The following SCFD2 variants were observed in gnomAD, a reference collection of about 807,000 sequenced individuals.
SCFD2 encodes sec1 family domain-containing protein 2.
In SCFD2, 54 loss-of-function variants were observed where a neutral mutation model predicts 58.9. The observed-to-expected ratio is 0.92, with a 90% CI of 0.74 to 1.15. The LOEUF is 1.15. SCFD2 is among the 50% of genes most tolerant of loss of function. The pLI is 0.00. For missense variants in SCFD2, 805 were observed against 836.6 expected, an observed-to-expected ratio of 0.96 and a Z score of 0.47; for synonymous variants, 321 against 335.9, an observed-to-expected ratio of 0.96 and a Z score of 0.49.
intron 4 of SCFD2, among the ~76,000 whole-genome samples, chr4:53,183,257 G>A (rs1339558469): frequency 6.6e-6 from 1 of 152,130 alleles, no homozygotes; most frequent in Non-Finnish European, 1.5e-5. Context: ...CAACCTAAAT[G>A]TCCAACAACA....
chr4:53,093,675 A>G (rs368753102), intron 5 of SCFD2, among the ~76,000 whole-genome samples: 2 of 152,200 alleles, frequency 1.3e-5, no homozygotes, highest in African/African-American at 4.8e-5. Flanking sequence ...ATGCTGATAT[A>G]AAACAGTCTC....
intron 3 of SCFD2, among the ~76,000 whole-genome samples, chr4:53,289,061 A>C (rs1731757384): frequency 1.3e-5 from 2 of 152,214 alleles, no homozygotes; most frequent in African/African-American, 4.8e-5. Context: ...TTAAACCATT[A>C]TCAAGTTAAA....
chr4:53,011,654 T>A (rs1577658211), intron 5 of SCFD2, among the ~76,000 whole-genome samples: 1 of 152,188 alleles, frequency 6.6e-6, no homozygotes, highest in African/African-American at 2.4e-5. Context: ...TCCATTCTTC[T>A]CATTTCAAAT....
chr4:53,184,369 T>G (rs115069676), intron 4 of SCFD2, among the ~76,000 whole-genome samples: 2,797 of 152,152 alleles, frequency 0.018, 90 homozygotes, highest in African/African-American at 0.064. Flanking sequence ...TCTGTTCCTT[T>G]CTGTTTCTAT....
chr4:53,331,449 A>G (rs1045046379), intron 2 of SCFD2, among the ~76,000 whole-genome samples: 2 of 152,226 alleles, frequency 1.3e-5, no homozygotes, highest in African/African-American at 2.4e-5. Context: ...ATTTCACTCA[A>G]AACCGCTCAA....
intron 4 of SCFD2, among the ~76,000 whole-genome samples, chr4:53,199,504 C>G (rs995448989): frequency 1.3e-5 from 2 of 152,096 alleles, no homozygotes; most frequent in African/African-American, 2.4e-5. Context: ...TCATAACTAG[C>G]TCTTTTTGAT....
rs544955457 is a variant in SCFD2 at position 53,334,517 on chromosome 4, C to T, written c.1007+18081G>A. The stretch of plus-strand genomic sequence containing the variant: ...ATCGCAAGAACAAAAAACCAAACAC[C>T]GCATATTCTCACTCATAGGTGGGAA... On this transcript the variant is annotated intron_variant, in intron 2 of 8. Coordinates refer to ENST00000401642, the MANE Select transcript of SCFD2 (RefSeq NM_152540.4). Among the ~76,000 whole-genome samples the T allele has an allele frequency of 2.5e-3, 376 of 149,304 alleles. 1 individual carries two copies. The highest frequency in any genetic ancestry group is 8.6e-3 in the African/African-American group (348 of 40,258).
intron 5 of SCFD2, among the ~76,000 whole-genome samples, chr4:53,140,243 G>C (rs997140307): frequency 6.6e-6 from 1 of 150,552 alleles, no homozygotes; most frequent in Non-Finnish European, 1.5e-5. Flanking sequence ...AAAGAAAAAG[G>C]GATATCATTT....
At position 52,986,592 on chromosome 4, in the gene SCFD2, G is replaced by A. The variant is rs528870993; in HGVS notation, c.1562-65722C>T. 4.5e-3 allele frequency among the ~76,000 whole-genome samples: 632 copies of A among 139,248 alleles called. 3 individuals are homozygous for A. Among genetic ancestry groups the A allele is most frequent in the African/African-American group, 0.016 (602 of 37,028 alleles). The allele number at this position is 139,248 out of a possible 152,430, so 91.4% of individuals were successfully genotyped here. On this transcript the variant is annotated intron_variant, in intron 5 of 8. Transcript: ENST00000401642. Reference sequence around the variant, plus strand: ...TGGCTCACTGCAAGCTCCGCCTCCCGGGTTCACGCCATTCTCCTGCCTCAG... The same window carrying A: ...TGGCTCACTGCAAGCTCCGCCTCCCAGGTTCACGCCATTCTCCTGCCTCAG...
intron 5 of SCFD2, among the ~76,000 whole-genome samples, chr4:52,976,125 T>C (rs1193233648): frequency 1.3e-5 from 2 of 152,118 alleles, no homozygotes; most frequent in African/African-American, 4.8e-5. Context: ...TATGCATATG[T>C]AACTAACCTG....
chr4:52,993,466 T>G (rs1329839822), intron 5 of SCFD2, among the ~76,000 whole-genome samples: 2 of 152,256 alleles, frequency 1.3e-5, no homozygotes, highest in Non-Finnish European at 2.9e-5. Context: ...GTGCGGCAAC[T>G]AAATCATCAA....
intron 4 of SCFD2, among the ~76,000 whole-genome samples, chr4:53,159,948 T>C (rs1726805118): frequency 6.6e-6 from 1 of 152,098 alleles, no homozygotes; most frequent in African/African-American, 2.4e-5. Context: ...CACAAAAAAA[T>C]GCACGAAAAA....
intron 4 of SCFD2, among the ~76,000 whole-genome samples, chr4:53,261,817 A>G (rs1312080793): frequency 1.3e-5 from 2 of 152,090 alleles, no homozygotes; most frequent in Non-Finnish European, 2.9e-5. Context: ...CTGTCAGTGG[A>G]GTATTAAAGT....
intron 4 of SCFD2, among the ~76,000 whole-genome samples, chr4:53,247,362 C>T (rs140571858): frequency 4.3e-4 from 66 of 152,240 alleles, no homozygotes; most frequent in African/African-American, 1.2e-3. Flanking sequence ...ACTGAACTAC[C>T]ATTCGACCTA....
intron 4 of SCFD2, among the ~76,000 whole-genome samples, chr4:53,156,102 G>A (rs1195015980): frequency 6.6e-6 from 1 of 152,174 alleles, no homozygotes; most frequent in Non-Finnish European, 1.5e-5. Context: ...CTCTTGATAT[G>A]GCCAGATACA....
intron 5 of SCFD2, among the ~76,000 whole-genome samples, chr4:53,031,354 T>C (rs1722611214): frequency 6.6e-6 from 1 of 152,148 alleles, no homozygotes; most frequent in Admixed American, 6.5e-5. Flanking sequence ...CCTCTTCTCC[T>C]CTAAAAGGCC....
chr4:53,332,410 G>GAT (rs1733510862), intron 2 of SCFD2, among the ~76,000 whole-genome samples: 1 of 151,318 alleles, frequency 6.6e-6, no homozygotes, highest in Non-Finnish European at 1.5e-5. Flanking sequence ...TGATCAAGTG[G>GAT]GCTTCATCCC....
chr4:53,196,618 G>T (rs1413294758), intron 4 of SCFD2, among the ~76,000 whole-genome samples: 5 of 152,058 alleles, frequency 3.3e-5, no homozygotes, highest in Non-Finnish European at 7.4e-5. Flanking sequence ...TTACACAGTG[G>T]ATTACTGCTG....
At chr4:53,074,765 A>G (rs1439384800) in intron 5 of SCFD2, among the ~76,000 whole-genome samples, 2 of 152,188 alleles carry the variant, frequency 1.3e-5, no homozygotes, top group Non-Finnish European at 2.9e-5. Context: ...GGCTTAAAAT[A>G]TTCAGTAAGC....
Sources: allele counts gnomAD v4.1 joint callset (sites outside exome capture counted in the v4.1 genomes callset), GRCh38; gene constraint gnomAD v4.1.1; transcripts MANE v1.5; gene names NCBI Gene and HGNC (gene_info 2026-07-23, HGNC 2026-07-21).